TRAPPC9: variants seen among roughly 807,000 people sequenced by gnomAD.
TRAPPC9 encodes the protein IKK2 binding protein.
Under a neutral mutation model 124.0 loss-of-function variants are expected in TRAPPC9, and 83 were observed. That is an observed-to-expected ratio of 0.67 (90% CI 0.56 to 0.80). TRAPPC9 has a LOEUF of 0.80. Among genes scored for constraint, TRAPPC9 ranks in the 30% least tolerant of loss-of-function variants. The pLI, the probability that TRAPPC9 is intolerant of heterozygous loss-of-function variation, is 0.00. For missense variants in TRAPPC9, 1,302 were observed against 1,508.3 expected (o/e 0.86, Z 2.27); for synonymous variants, 638 against 617.5 (o/e 1.03, Z -0.49).
At chr8:139,911,120 C>A (rs573889561) in intron 19 of TRAPPC9, 1 of 151,894 alleles carries the variant, frequency 6.6e-6, no homozygotes, top group Non-Finnish European at 1.5e-5. Flanking sequence ...GGGAGGGACG[C>A]GGTGGGAGAT....
intron 21 of TRAPPC9, among the ~76,000 whole-genome samples, chr8:139,814,722 G>GGAAAGGA (rs1317660927): frequency 1.3e-5 from 2 of 151,548 alleles, no homozygotes; most frequent in Admixed American, 1.3e-4. Flanking sequence ...AGAAAGGAAA[G>GGAAAGGA]GAAAGGAAAA....
At chr8:140,038,584 C>A (rs1022338042) in intron 17 of TRAPPC9, among the ~76,000 whole-genome samples, 1 of 152,198 alleles carries the variant, frequency 6.6e-6, no homozygotes, top group African/African-American at 2.4e-5. Context: ...GTCTAGATGG[C>A]GATCAAGTGG....
chr8:139,989,649 G>A (rs1405258763), intron 18 of TRAPPC9, among the ~76,000 whole-genome samples: 1 of 152,142 alleles, frequency 6.6e-6, no homozygotes, highest in Non-Finnish European at 1.5e-5. Context: ...AACCATCAGG[G>A]ACAAAAACCA....
chr8:140,393,535 G>T (rs1230258276), intron 7 of TRAPPC9, among the ~76,000 whole-genome samples: 1 of 152,088 alleles, frequency 6.6e-6, no homozygotes, highest in East Asian at 1.9e-4. Context: ...CCATATCCCT[G>T]CACACAAAGA....
intron 21 of TRAPPC9, among the ~76,000 whole-genome samples, chr8:139,732,713 G>A (rs1221784801): frequency 1.3e-5 from 2 of 152,206 alleles, no homozygotes; most frequent in African/African-American, 2.4e-5. Context: ...AATGCACAGT[G>A]GGCTCCAGCA....
intron 21 of TRAPPC9, among the ~76,000 whole-genome samples, chr8:139,833,659 C>T (rs1028377504): frequency 6.6e-6 from 1 of 152,230 alleles, no homozygotes; most frequent in Non-Finnish European, 1.5e-5. Context: ...GTGGCCTTCC[C>T]AGCAGAACAG....
chr8:140,219,232 G>T (rs148092407), intron 17 of TRAPPC9, among the ~76,000 whole-genome samples: 1 of 152,182 alleles, frequency 6.6e-6, no homozygotes, highest in African/African-American at 2.4e-5. Flanking sequence ...CAGCACACTC[G>T]GCGATCATCG....
chr8:140,231,488 T>TTTC (rs1185883138), intron 16 of TRAPPC9, among the ~76,000 whole-genome samples: 2 of 120,642 alleles, frequency 1.7e-5, no homozygotes, highest in African/African-American at 6.5e-5. Flanking sequence ...TTTCTTTTTT[T>TTTC]TTTTTTTTTT....
At chr8:139,812,620 T>TA (rs1824521847) in intron 21 of TRAPPC9, among the ~76,000 whole-genome samples, 2 of 152,128 alleles carry the variant, frequency 1.3e-5, no homozygotes, top group African/African-American at 2.4e-5. Flanking sequence ...CACTTAAAAA[T>TA]AAAAAACCTT....
intron 21 of TRAPPC9, among the ~76,000 whole-genome samples, chr8:139,882,833 T>C (rs1829762628): frequency 1.3e-5 from 2 of 152,232 alleles, no homozygotes; most frequent in Non-Finnish European, 2.9e-5. Flanking sequence ...GGTGAAGTGA[T>C]GTGCTGAAGG....
intron 6 of TRAPPC9, among the ~76,000 whole-genome samples, chr8:140,403,431 T>TAAAA (rs34616687): frequency 7.0e-6 from 1 of 142,544 alleles, no homozygotes. Context: ...TCTGTCTCCA[T>TAAAA]AAAAAAAAAA....
chr8:139,848,209 G>A (rs895493670), intron 21 of TRAPPC9, among the ~76,000 whole-genome samples: 6 of 152,216 alleles, frequency 3.9e-5, no homozygotes, highest in Admixed American at 1.3e-4. Flanking sequence ...GCCAGCCGCC[G>A]CCTCCTGAGC....
intron 21 of TRAPPC9, among the ~76,000 whole-genome samples, chr8:139,810,490 A>G (rs781208591): frequency 2.0e-5 from 3 of 152,186 alleles, no homozygotes; most frequent in Non-Finnish European, 2.9e-5. Context: ...TTTACATCTC[A>G]GAAACCAGCA....
At chr8:140,143,375 TAC>T (rs200902837) in intron 17 of TRAPPC9, among the ~76,000 whole-genome samples, 5,647 of 152,326 alleles carry the variant, frequency 0.037, 136 homozygotes, top group Non-Finnish European at 0.055. Context: ...TCTTATAGTC[TAC>T]ATACCAGTCC....
chr8:140,226,215 A>G (rs1165941158), intron 16 of TRAPPC9, among the ~76,000 whole-genome samples: 3 of 152,242 alleles, frequency 2.0e-5, no homozygotes, highest in Non-Finnish European at 4.4e-5. Flanking sequence ...GAGAAGGGAC[A>G]TGAAAAGCCC....
At position 139,984,984 on chromosome 8, in the gene TRAPPC9, C is replaced by T. The variant is rs572127699; in HGVS notation, c.2810+3742G>A. ...GTCCCAATGTGTTGCCAATCCCCAGCGAGGAGGGGCCCTTATTTATTCTTC... is the reference window on the plus strand; with the variant it reads ...GTCCCAATGTGTTGCCAATCCCCAGTGAGGAGGGGCCCTTATTTATTCTTC... On this transcript the variant is annotated intron_variant, in intron 19 of 22. Coordinates refer to ENST00000438773, the MANE Select transcript of TRAPPC9 (RefSeq NM_001160372.4). The surrounding 1 kb of genome is among the most constrained non-coding windows in gnomAD (Gnocchi z 4.3). Among the ~76,000 whole-genome samples, 33 of 152,268 alleles carry T rather than the reference C, an allele frequency of 2.2e-4. No homozygotes were observed. Among genetic ancestry groups the T allele is most frequent in the African/African-American group, 7.2e-4 (30 of 41,556 alleles).
intron 7 of TRAPPC9, among the ~76,000 whole-genome samples, chr8:140,382,961 G>A (rs1361004343): frequency 2.0e-5 from 3 of 152,184 alleles, no homozygotes; most frequent in Admixed American, 6.5e-5. Context: ...CCTCTAAGAC[G>A]AAACTTCCAG....
intron 17 of TRAPPC9, among the ~76,000 whole-genome samples, chr8:140,160,668 A>C (rs1035423107): frequency 6.6e-6 from 1 of 152,062 alleles, no homozygotes; most frequent in Non-Finnish European, 1.5e-5. Context: ...TGGGGGAGGG[A>C]TAGCATTAGG....
intron 17 of TRAPPC9, among the ~76,000 whole-genome samples, chr8:140,197,435 C>T (rs563715559): frequency 5.9e-5 from 9 of 152,108 alleles, no homozygotes; most frequent in Non-Finnish European, 1.0e-4. Context: ...CAGAGCAGCA[C>T]GGTGACTTTC....
Sources: allele counts gnomAD v4.1 joint callset (sites outside exome capture counted in the v4.1 genomes callset), GRCh38; gene constraint gnomAD v4.1.1; non-coding constraint Gnocchi (gnomAD v3.1); transcripts MANE v1.5; gene names NCBI Gene and HGNC (gene_info 2026-07-23, HGNC 2026-07-21).